The following LAMA2 variants were observed in gnomAD, a reference collection of about 807,000 sequenced individuals.
LAMA2 encodes the protein laminin subunit alpha 2.
Under a neutral mutation model 364.8 loss-of-function variants are expected in LAMA2, and 269 were observed. The observed-to-expected ratio is 0.74, with a 90% CI of 0.67 to 0.82. The LOEUF (loss-of-function observed/expected upper bound fraction) is 0.82. LAMA2 is among the 40% of genes least tolerant of loss of function. The pLI, the probability that LAMA2 is intolerant of heterozygous loss-of-function variation, is 0.00. For missense variants in LAMA2, 3,807 were observed against 3,873.2 expected (o/e 0.98, Z 0.45); for synonymous variants, 1,379 against 1,370.6 (o/e 1.01, Z -0.14).
chr6:129,098,116 T>G, intron 3 of LAMA2, 57 bp from the exon 4 acceptor site: 1 of 1,564,030 alleles, frequency 6.4e-7, no homozygotes, highest in Non-Finnish European at 8.8e-7. Flanking sequence ...ATATTTGACA[T>G]AAAATGATGA....
intron 1 of LAMA2, among the ~76,000 whole-genome samples, chr6:128,985,402 G>C (rs1388128786): frequency 2.6e-5 from 4 of 152,080 alleles, no homozygotes; most frequent in Admixed American, 6.6e-5. Context: ...CAAAAATAGA[G>C]ATGAAAACAT....
At chr6:129,410,115 CAAAT>C (rs1224447282) in intron 40 of LAMA2, among the ~76,000 whole-genome samples, 3 of 152,106 alleles carry the variant, frequency 2.0e-5, no homozygotes, top group Admixed American at 2.0e-4. Context: ...AACAAACAAA[CAAAT>C]AAAATAAGAC....
chr6:129,088,329 A>G (rs1774527851), intron 3 of LAMA2, among the ~76,000 whole-genome samples: 1 of 151,934 alleles, frequency 6.6e-6, no homozygotes, highest in South Asian at 2.1e-4. Context: ...TGATTTCTCT[A>G]TCTTTTCCCC....
At chr6:129,068,707 G>A (rs1773101257) in intron 3 of LAMA2, among the ~76,000 whole-genome samples, 1 of 152,142 alleles carries the variant, frequency 6.6e-6, no homozygotes, top group Non-Finnish European at 1.5e-5. Context: ...TTCTTACTCT[G>A]CTTTTAAGCG....
At chr6:129,464,740 A>T (rs1783452253) in intron 50 of LAMA2, among the ~76,000 whole-genome samples, 1 of 151,998 alleles carries the variant, frequency 6.6e-6, no homozygotes, top group South Asian at 2.1e-4. Flanking sequence ...GGAGCCATAC[A>T]GCAGCAAAAT....
intron 40 of LAMA2, among the ~76,000 whole-genome samples, chr6:129,416,493 A>G (rs1780795643): frequency 1.3e-5 from 2 of 151,918 alleles, no homozygotes; most frequent in South Asian, 4.2e-4. Context: ...ACTGGGCCAG[A>G]TATGTCAGGG....
At chr6:129,307,406 CCTTT>C (rs1291701903) in intron 22 of LAMA2, among the ~76,000 whole-genome samples, 1 of 152,190 alleles carries the variant, frequency 6.6e-6, no homozygotes, top group African/African-American at 2.4e-5. Context: ...TCTGGAATTA[CCTTT>C]CTATCTAACT....
chr6:129,364,827 A>T (rs1777667150), intron 32 of LAMA2, among the ~76,000 whole-genome samples: 3 of 152,220 alleles, frequency 2.0e-5, no homozygotes, highest in African/African-American at 7.2e-5. Context: ...TGGTTCCATC[A>T]GGCTGTACAG....
chr6:129,191,127 T>G (rs1304616800), intron 11 of LAMA2, among the ~76,000 whole-genome samples: 1 of 152,190 alleles, frequency 6.6e-6, no homozygotes, highest in Non-Finnish European at 1.5e-5. Context: ...CTAGAACTTA[T>G]AGGGTTGAAT....
At chr6:129,222,192 G>T (rs1464621730) in intron 12 of LAMA2, among the ~76,000 whole-genome samples, 1 of 152,004 alleles carries the variant, frequency 6.6e-6, no homozygotes, top group African/African-American at 2.4e-5. Context: ...AATACAATGG[G>T]TAAATGAAAA....
chr6:129,040,916 A>G (rs909818597), intron 1 of LAMA2, among the ~76,000 whole-genome samples: 1 of 152,222 alleles, frequency 6.6e-6, no homozygotes, highest in Non-Finnish European at 1.5e-5. Context: ...AGGCAGAGCT[A>G]GATGGCATAA....
chr6:129,477,740 A>G (rs1784141145), intron 53 of LAMA2, among the ~76,000 whole-genome samples: 1 of 152,204 alleles, frequency 6.6e-6, no homozygotes, highest in African/African-American at 2.4e-5. Context: ...TGTAGAATAC[A>G]GACTTTGGGG....
intron 34 of LAMA2, among the ~76,000 whole-genome samples, chr6:129,374,634 A>G (rs1778270453): frequency 6.6e-6 from 1 of 151,560 alleles, no homozygotes; most frequent in South Asian, 2.1e-4. Flanking sequence ...CTGGAGTACA[A>G]TGGTGTGAAC....
At chr6:129,009,274 A>G (rs1488787170) in intron 1 of LAMA2, among the ~76,000 whole-genome samples, 2 of 152,194 alleles carry the variant, frequency 1.3e-5, no homozygotes, top group African/African-American at 4.8e-5. Context: ...CTCTGAAATA[A>G]TTATTAGGAA....
chr6:129,439,844 A>ATC (rs1355305969), intron 42 of LAMA2, among the ~76,000 whole-genome samples: 2 of 140,786 alleles, frequency 1.4e-5, no homozygotes, highest in Non-Finnish European at 3.0e-5. Flanking sequence ...ATATATATAT[A>ATC]TATATCTATC....
chr6:129,059,811 A>C lies in LAMA2; in HGVS notation c.311A>C (p.Asp104Ala), dbSNP rs762518832. 6.2e-7 allele frequency: 1 copy of C among 1,609,168 alleles called. No homozygotes were observed. The highest frequency in any genetic ancestry group is 8.5e-7 in the Non-Finnish European group (1 of 1,175,530). Residue 104 changes from aspartate to alanine, a missense_variant, in exon 3 of 65, where the codon GAT becomes GCT. Coordinates refer to ENST00000421865, the MANE Select transcript of LAMA2 (RefSeq NM_000426.4). ...AGACACCCGATTACAAATGCTATTG[A>C]TGGAAAGAACACTTGGTGGCAGAGT... ...NQRHPITNAI[D>A]GKNTWWQSPS... is the part of the protein sequence containing the mutation.
chr6:129,376,119 G>T lies in LAMA2; in HGVS notation c.4959+6129G>T, dbSNP rs115879084. ...TATGGCTTTCCACTTTTTTCAGGAT[G>T]ACATACAGTGCTCTCCCACCATGAT... On this transcript the variant is annotated intron_variant, in intron 34 of 64. Transcript: ENST00000421865. Among the ~76,000 whole-genome samples, 674 of 152,196 alleles carry T rather than the reference G, an allele frequency of 4.4e-3. 3 individuals are homozygous for T. Among genetic ancestry groups the T allele is most frequent in the African/African-American group, 0.015 (622 of 41,520 alleles).
At chr6:129,459,078 A>G (rs968608587) in intron 48 of LAMA2, among the ~76,000 whole-genome samples, 3 of 152,014 alleles carry the variant, frequency 2.0e-5, no homozygotes, top group Admixed American at 2.0e-4. Context: ...ATGTGCAAAC[A>G]TCATAAAGTG....
intron 1 of LAMA2, among the ~76,000 whole-genome samples, chr6:128,921,706 T>TA (rs1562831954): frequency 6.7e-6 from 1 of 148,822 alleles, no homozygotes; most frequent in African/African-American, 2.6e-5. Context: ...TGTTTTTTTT[T>TA]TTTTTTTATT....
Sources: gnomAD v4.1 joint callset for allele counts (sites outside exome capture counted in the v4.1 genomes callset) on GRCh38, gnomAD v4.1.1 for gene constraint, MANE v1.5 for transcripts, NCBI Gene and HGNC (gene_info 2026-07-23, HGNC 2026-07-21) for gene names.